Variants in KIF16B observed in about 807,000 individuals in gnomAD.
The protein encoded by KIF16B is kinesin-like protein KIF16B.
KIF16B carries 98 observed loss-of-function variants against 156.3 expected under a neutral mutation model. That is an observed-to-expected ratio of 0.63 (90% CI 0.53 to 0.74). The LOEUF is 0.74. Ranked by LOEUF, KIF16B falls within the 30% of genes least tolerant of loss-of-function variation. The pLI is 0.00. For missense variants in KIF16B, 1,421 were observed against 1,606.5 expected (o/e 0.88, Z 1.97); for synonymous variants, 564 against 583.7 (o/e 0.97, Z 0.49).
chr20:16,520,967 A>C (rs941145258), intron 3 of KIF16B, among the ~76,000 whole-genome samples: 4 of 152,224 alleles, frequency 2.6e-5, no homozygotes, highest in Non-Finnish European at 5.9e-5. Flanking sequence ...ACAAACAAAC[A>C]GAAAGAAACA....
chr20:16,475,859 T>A (rs1332036889), intron 12 of KIF16B, among the ~76,000 whole-genome samples: 1 of 152,276 alleles, frequency 6.6e-6, no homozygotes, highest in Non-Finnish European at 1.5e-5. Flanking sequence ...TACTCTGCTC[T>A]TGAAGCAAGA....
At chr20:16,345,570 A>G (rs932133003) in intron 23 of KIF16B, among the ~76,000 whole-genome samples, 1 of 152,256 alleles carries the variant, frequency 6.6e-6, no homozygotes, top group Non-Finnish European at 1.5e-5. Context: ...CTCATTTACC[A>G]AATTCCCTTT....
intron 11 of KIF16B, among the ~76,000 whole-genome samples, chr20:16,495,847 C>T (rs1000986409): frequency 2.0e-4 from 31 of 152,200 alleles, no homozygotes; most frequent in South Asian, 6.2e-4. Flanking sequence ...CACACCACCA[C>T]GCCCAGCTAA....
chr20:16,343,514 T>C (rs565920579), intron 23 of KIF16B, among the ~76,000 whole-genome samples: 1 of 152,350 alleles, frequency 6.6e-6, no homozygotes, highest in Admixed American at 6.5e-5. Context: ...CTCAAGCATA[T>C]TTTTAAAAAA....
At chr20:16,477,784 C>A (rs1346232706) in intron 12 of KIF16B, among the ~76,000 whole-genome samples, 6 of 152,062 alleles carry the variant, frequency 3.9e-5, no homozygotes, top group Non-Finnish European at 7.4e-5. Flanking sequence ...TCTTACTTGG[C>A]AGGAAGAACT....
chr20:16,376,450 C>T (rs1241452920), intron 19 of KIF16B, among the ~76,000 whole-genome samples: 1 of 152,270 alleles, frequency 6.6e-6, no homozygotes, highest in Admixed American at 6.5e-5. Context: ...TGGAATTTTA[C>T]GAGGGGCCAA....
chr20:16,534,938 C>T (rs1285408984), intron 1 of KIF16B, among the ~76,000 whole-genome samples: 1 of 152,030 alleles, frequency 6.6e-6, no homozygotes. Flanking sequence ...TAGTATGATG[C>T]CTTCAGCTTT....
intron 12 of KIF16B, among the ~76,000 whole-genome samples, chr20:16,484,710 C>T (rs180904478): frequency 6.6e-6 from 1 of 152,292 alleles, no homozygotes; most frequent in Admixed American, 6.5e-5. Flanking sequence ...AAATCATCCA[C>T]GCTAGTCTGC....
At position 16,452,830 on chromosome 20, in the gene KIF16B, G is replaced by A. The variant is rs111303366; in HGVS notation, c.1303-22848C>T. 7.1e-3 allele frequency among the ~76,000 whole-genome samples: 1,008 copies of A among 142,768 alleles called. 10 individuals carry two copies. Among genetic ancestry groups the A allele is most frequent in the African/African-American group, 0.021 (795 of 38,440 alleles). The allele number at this position is 142,768 out of a possible 152,430, so 93.7% of individuals were successfully genotyped here. On this transcript the variant is annotated intron_variant, in intron 12 of 25. Coordinates refer to ENST00000354981, the MANE Select transcript of KIF16B (RefSeq NM_024704.5). ...AGCCTGGGCAACAGAGTGAGACTCC[G>A]TCTCAAAAAAAAAAAAGAAAGAAAA...
chr20:16,360,021 G>A (rs961795110), intron 22 of KIF16B, among the ~76,000 whole-genome samples: 1 of 152,172 alleles, frequency 6.6e-6, no homozygotes, highest in Non-Finnish European at 1.5e-5. Flanking sequence ...ATTAATGAGT[G>A]TACAGAAATG....
intron 12 of KIF16B, among the ~76,000 whole-genome samples, chr20:16,471,645 G>C (rs2067665200): frequency 6.6e-6 from 1 of 152,144 alleles, no homozygotes; most frequent in Non-Finnish European, 1.5e-5. Flanking sequence ...AGTATATTTA[G>C]TCATAAAAGC....
intron 22 of KIF16B, among the ~76,000 whole-genome samples, chr20:16,362,217 T>A (rs2064564658): frequency 6.6e-6 from 1 of 152,170 alleles, no homozygotes; most frequent in South Asian, 2.1e-4. Context: ...TGGCTTTGGG[T>A]CAAACCATGC....
chr20:16,288,949 A>T (rs571255959), intron 25 of KIF16B, among the ~76,000 whole-genome samples: 1 of 125,266 alleles, frequency 8.0e-6, no homozygotes, highest in South Asian at 2.6e-4. Context: ...CTTAGTAAGT[A>T]CATACTGCAG....
intron 1 of KIF16B, among the ~76,000 whole-genome samples, chr20:16,569,421 G>A (rs4813225): frequency 1.1e-4 from 16 of 152,176 alleles, no homozygotes; most frequent in Admixed American, 8.5e-4. Context: ...TTTTGCCTAC[G>A]TAACAGAATC....
intron 24 of KIF16B, among the ~76,000 whole-genome samples, chr20:16,322,205 AAAG>A (rs1267194819): frequency 5.9e-5 from 9 of 152,002 alleles, no homozygotes; most frequent in Non-Finnish European, 1.2e-4. Flanking sequence ...CCACACAGCC[AAAG>A]CAAGACTAAG....
chr20:16,347,157 G>C (rs1472780248), intron 23 of KIF16B, among the ~76,000 whole-genome samples: 1 of 152,180 alleles, frequency 6.6e-6, no homozygotes, highest in Admixed American at 6.5e-5. Context: ...ACACTCAACA[G>C]ATGGTGACTC....
At chr20:16,472,048 T>G (rs935085571) in intron 12 of KIF16B, among the ~76,000 whole-genome samples, 4 of 152,242 alleles carry the variant, frequency 2.6e-5, no homozygotes, top group African/African-American at 9.6e-5. Flanking sequence ...CCATAGCTAC[T>G]GTCGTCTATT....
At chr20:16,535,525 T>C (rs2069925793) in intron 1 of KIF16B, among the ~76,000 whole-genome samples, 1 of 152,202 alleles carries the variant, frequency 6.6e-6, no homozygotes, top group South Asian at 2.1e-4. Context: ...TACAGTATTA[T>C]CTTCAATATG....
intron 25 of KIF16B, among the ~76,000 whole-genome samples, chr20:16,295,459 ATATTAG>A (rs1280863145): frequency 1.3e-5 from 2 of 151,380 alleles, no homozygotes; most frequent in Admixed American, 1.3e-4. Context: ...GCTATAATCC[ATATTAG>A]TATAACTATA....
Sources: gnomAD v4.1 joint callset for allele counts (sites outside exome capture counted in the v4.1 genomes callset) on GRCh38, gnomAD v4.1.1 for gene constraint, MANE v1.5 for transcripts, NCBI Gene and HGNC (gene_info 2026-07-23, HGNC 2026-07-21) for gene names.